Variants in SND1 observed in about 807,000 individuals in gnomAD.
SND1 encodes staphylococcal nuclease and tudor domain containing 1.
Under a neutral mutation model 121.7 loss-of-function variants are expected in SND1, and 38 were observed. The observed-to-expected ratio is 0.31, with a 90% confidence interval of 0.24 to 0.41. The LOEUF (loss-of-function observed/expected upper bound fraction) is 0.41, where lower values mean the gene tolerates loss of function less well. Ranked by LOEUF, SND1 falls within the 10% of genes least tolerant of loss-of-function variation. SND1 has a pLI of 1.00. For synonymous variants in SND1, 401 were observed against 447.4 expected (o/e 0.90, Z 1.31); for missense variants, 868 against 1,184.6 (o/e 0.73, Z 3.92).
chr7:127,892,595 G>A (rs1026590875), intron 13 of SND1, among the ~76,000 whole-genome samples: 16 of 152,014 alleles, frequency 1.1e-4, no homozygotes, highest in African/African-American at 3.6e-4. Context: ...GCGGCCTTTC[G>A]GCCTTCTGGC....
At chr7:127,817,068 CAT>C (rs1472593694) in intron 11 of SND1, among the ~76,000 whole-genome samples, 2 of 152,146 alleles carry the variant, frequency 1.3e-5, no homozygotes. Context: ...AGAAAACACA[CAT>C]AGTTGTTGGG....
In SND1 at chr7:127,704,834, T is replaced by C; in HGVS notation, c.841-5T>C. On this transcript the variant is annotated splice_region_variant and splice_polypyrimidine_tract_variant and intron_variant, in intron 7 of 23. Coordinates refer to ENST00000354725, the MANE Select transcript of SND1 (RefSeq NM_014390.4). ...TGCCTGCCTCTCATGTACCTTGTTT[T>C]TCAGAATGGCAACATCACAGAGCTC... 1.9e-6 allele frequency: 3 copies of C among 1,613,228 alleles called. No individual in the cohort carries two copies. Among genetic ancestry groups the C allele is most frequent in the African/African-American group, 2.7e-5 (2 of 75,034 alleles).
chr7:127,909,736 A>G (rs1012954284), intron 14 of SND1, among the ~76,000 whole-genome samples: 4 of 152,196 alleles, frequency 2.6e-5, no homozygotes, highest in Non-Finnish European at 5.9e-5. Context: ...TAGCCTAAAA[A>G]TTAAGCCATG....
chr7:127,675,651 C>T (rs555408238), intron 1 of SND1, among the ~76,000 whole-genome samples: 20 of 152,202 alleles, frequency 1.3e-4, no homozygotes, highest in African/African-American at 3.9e-4. Flanking sequence ...ACTTGACCCT[C>T]GCCATTTGAT....
chr7:127,864,725 G>A (rs1474349533), intron 12 of SND1, among the ~76,000 whole-genome samples: 1 of 152,136 alleles, frequency 6.6e-6, no homozygotes, highest in Non-Finnish European at 1.5e-5. Flanking sequence ...CCTGCACTAT[G>A]GATTTTGCTG....
intron 9 of SND1, among the ~76,000 whole-genome samples, chr7:127,712,125 G>A (rs1311027832): frequency 6.6e-6 from 1 of 152,042 alleles, no homozygotes; most frequent in Non-Finnish European, 1.5e-5. Context: ...GAGTTTAGAA[G>A]CAATGACCCT....
rs771142644 is a variant in SND1 at position 127,929,185 on chromosome 7, C to T, written c.1528-3C>T. ...GTTACTCTTTTCCTCTTTTCTCCATCAGGATACCCAAAAAGCAAAGCAGTT... is the reference window on the plus strand; with the variant it reads ...GTTACTCTTTTCCTCTTTTCTCCATTAGGATACCCAAAAAGCAAAGCAGTT... On this transcript the variant is annotated splice_polypyrimidine_tract_variant and splice_region_variant and intron_variant, in intron 14 of 23. Coordinates refer to ENST00000354725, the MANE Select transcript of SND1 (RefSeq NM_014390.4). The T allele has an allele frequency of 1.9e-6, 3 of 1,613,882 alleles. No homozygotes were observed. The East Asian group carries it at 6.7e-5, about 36-fold the overall frequency.
chr7:127,781,166 T>C (rs1797712893), intron 10 of SND1, among the ~76,000 whole-genome samples: 1 of 152,170 alleles, frequency 6.6e-6, no homozygotes, highest in South Asian at 2.1e-4. Flanking sequence ...ATGGAGAAGA[T>C]TTTACAGTAC....
chr7:127,793,777 G>A (rs931568197), intron 10 of SND1, among the ~76,000 whole-genome samples: 1 of 152,118 alleles, frequency 6.6e-6, no homozygotes, highest in Non-Finnish European at 1.5e-5. Flanking sequence ...GTTATAGAGC[G>A]AGAAGTTCCC....
At chr7:128,073,114 A>G (rs182619563) in intron 16 of SND1, among the ~76,000 whole-genome samples, 1 of 152,266 alleles carries the variant, frequency 6.6e-6, no homozygotes, top group East Asian at 1.9e-4. Flanking sequence ...GAAAGGGGGT[A>G]TTAGGGAGGG....
chr7:127,815,584 G>T, intron 11 of SND1, among the ~76,000 whole-genome samples: 1 of 152,144 alleles, frequency 6.6e-6, no homozygotes, highest in East Asian at 1.9e-4. Flanking sequence ...CCATGTGACA[G>T]TGGAGGTAGA....
intron 14 of SND1, among the ~76,000 whole-genome samples, chr7:127,912,925 G>A (rs1053889674): frequency 2.0e-5 from 3 of 152,150 alleles, no homozygotes; most frequent in African/African-American, 4.8e-5. Context: ...TCTTTCATCT[G>A]CATCATGTCT....
chr7:127,775,502 C>G (rs1797602357), intron 10 of SND1, among the ~76,000 whole-genome samples: 1 of 152,024 alleles, frequency 6.6e-6, no homozygotes, highest in Non-Finnish European at 1.5e-5. Context: ...TTCAATAGAT[C>G]ATAAAAGAAC....
At chr7:127,972,780 G>A (rs751127345) in intron 15 of SND1, among the ~76,000 whole-genome samples, 8 of 151,494 alleles carry the variant, frequency 5.3e-5, no homozygotes, top group Non-Finnish European at 7.4e-5. Flanking sequence ...GGGTTTCACC[G>A]TGTTGGCCAA....
chr7:128,076,397 A>G (rs1455568936), intron 17 of SND1, among the ~76,000 whole-genome samples: 2 of 152,062 alleles, frequency 1.3e-5, no homozygotes, highest in African/African-American at 2.4e-5. Flanking sequence ...GCAGTGCACA[A>G]CTCTCAGTGC....
intron 14 of SND1, among the ~76,000 whole-genome samples, chr7:127,917,570 T>TA (rs1357125067): frequency 6.6e-6 from 1 of 152,206 alleles, no homozygotes; most frequent in Non-Finnish European, 1.5e-5. Context: ...GGCTAATTTT[T>TA]AAAATTTTTT....
chr7:127,953,635 A>AATTG (rs1801521210), intron 15 of SND1, among the ~76,000 whole-genome samples: 1 of 152,182 alleles, frequency 6.6e-6, no homozygotes. Flanking sequence ...TAATGACACT[A>AATTG]ATTGGGGCAG....
intron 16 of SND1, among the ~76,000 whole-genome samples, chr7:128,058,174 C>T (rs1351834379): frequency 6.6e-6 from 1 of 152,240 alleles, no homozygotes; most frequent in Non-Finnish European, 1.5e-5. Flanking sequence ...CAGCCAAAGG[C>T]CTGCAGTGTT....
intron 15 of SND1, among the ~76,000 whole-genome samples, chr7:127,961,357 A>C (rs2116870894): frequency 6.6e-6 from 1 of 152,350 alleles, no homozygotes; most frequent in Non-Finnish European, 1.5e-5. Flanking sequence ...TTCTTTACAA[A>C]TAAAGCTGTA....
Sources: allele counts gnomAD v4.1 joint callset (sites outside exome capture counted in the v4.1 genomes callset), GRCh38; gene constraint gnomAD v4.1.1; transcripts MANE v1.5; gene names NCBI Gene and HGNC (gene_info 2026-07-23, HGNC 2026-07-21).